AGAP1: variants seen among roughly 807,000 people sequenced by gnomAD.
The protein encoded by AGAP1 is ArfGAP with GTPase domain, ankyrin repeat and PH domain 1.
AGAP1 carries 29 observed loss-of-function variants against 105.3 expected under a neutral mutation model. The observed-to-expected ratio is 0.28, with a 90% CI of 0.21 to 0.38. The LOEUF (loss-of-function observed/expected upper bound fraction) is 0.38. Ranked by LOEUF, AGAP1 falls within the 10% of genes least tolerant of loss-of-function variation. The pLI is 1.00. For missense variants in AGAP1, 998 were observed against 1,165.1 expected (o/e 0.86, Z 2.09); for synonymous variants, 509 against 485.9 (o/e 1.05, Z -0.63).
At chr2:235,846,826 C>T (rs1961552647) in intron 9 of AGAP1, among the ~76,000 whole-genome samples, 1 of 152,118 alleles carries the variant, frequency 6.6e-6, no homozygotes, top group African/African-American at 2.4e-5. Flanking sequence ...CAGGGTCTCA[C>T]TATGTGTCCC....
At position 235,864,510 on chromosome 2, in the gene AGAP1, C is replaced by T. The variant is rs2049067488; in HGVS notation, c.1051-18835C>T. On this transcript the variant is annotated intron_variant, in intron 9 of 17. Coordinates refer to ENST00000304032, the MANE Select transcript of AGAP1 (RefSeq NM_001037131.3). This position sits in a 1 kb window ranked among gnomAD's most constrained non-coding sequence, Gnocchi z 5.0. Reference sequence around the variant, plus strand: ...GCCGGAAGGTGGTTGAGCGTTTCCGCTCCACTGCGCGGCCCCGGAGCCCCC... The same window carrying T: ...GCCGGAAGGTGGTTGAGCGTTTCCGTTCCACTGCGCGGCCCCGGAGCCCCC... Among the ~76,000 whole-genome samples the T allele has an allele frequency of 6.6e-6, 1 of 152,188 alleles. No individual in the cohort carries two copies.
chr2:235,564,515 C>T (rs1944276040), intron 1 of AGAP1, among the ~76,000 whole-genome samples: 1 of 152,214 alleles, frequency 6.6e-6, no homozygotes, highest in Non-Finnish European at 1.5e-5. Context: ...AAGGTTCTTC[C>T]ACTTTTCATC....
rs2059018660 is a variant in AGAP1 at position 236,090,014 on chromosome 2, A to G, written c.2115-30178A>G. ...CTGTACAGCAGCTCCCTGGCTGCAA[A>G]TGAATCCATCGGATACAGAAGTTTT... On this transcript the variant is annotated intron_variant, in intron 16 of 17. Transcript: ENST00000304032. The surrounding 1 kb of genome is among the most constrained non-coding windows in gnomAD (Gnocchi z 4.3). 6.6e-6 allele frequency among the ~76,000 whole-genome samples: 1 copy of G among 152,050 alleles called. No homozygotes were observed. The highest frequency in any genetic ancestry group is 1.5e-5 in the Non-Finnish European group (1 of 68,028).
chr2:235,630,884 C>T (rs570976547), intron 1 of AGAP1, among the ~76,000 whole-genome samples: 25 of 152,316 alleles, frequency 1.6e-4, no homozygotes, highest in Admixed American at 1.2e-3. Flanking sequence ...TGGCCCAGCC[C>T]GTTGCGGGTC....
intron 16 of AGAP1, among the ~76,000 whole-genome samples, chr2:236,115,990 A>C (rs2059761545): frequency 6.6e-6 from 1 of 152,042 alleles, no homozygotes; most frequent in South Asian, 2.1e-4. Flanking sequence ...TTTTTAGTAG[A>C]GACGGGTTTT....
chr2:235,726,543 A>G lies in AGAP1; in HGVS notation c.310+8899A>G, dbSNP rs553747000. On this transcript the variant is annotated intron_variant, in intron 3 of 17. Transcript: ENST00000304032. ...TAACAGAGCCATTGAATCTATCCCA[A>G]TGGAACCACCATCACACACTTTCAC... Among the ~76,000 whole-genome samples the G allele has an allele frequency of 1.4e-4, 22 of 152,324 alleles. 1 individual carries two copies. The South Asian group carries it at 1.7e-3, about 11-fold the overall frequency.
At chr2:235,860,492 T>C (rs945393243) in intron 9 of AGAP1, among the ~76,000 whole-genome samples, 1 of 152,230 alleles carries the variant, frequency 6.6e-6, no homozygotes, top group Non-Finnish European at 1.5e-5. Flanking sequence ...ATTTTATTAA[T>C]GGTATCTAGG....
At chr2:236,007,737 T>A (rs2056370433) in intron 13 of AGAP1, among the ~76,000 whole-genome samples, 1 of 152,232 alleles carries the variant, frequency 6.6e-6, no homozygotes, top group Admixed American at 6.5e-5. Context: ...TGTTTCCCAT[T>A]ATCACTCATT....
At chr2:235,543,653 G>A (rs1365249287) in intron 1 of AGAP1, among the ~76,000 whole-genome samples, 1 of 152,192 alleles carries the variant, frequency 6.6e-6, no homozygotes, top group Non-Finnish European at 1.5e-5. Flanking sequence ...GTGAGGGCAG[G>A]TGGGGGGTTG....
intron 6 of AGAP1, among the ~76,000 whole-genome samples, chr2:235,762,253 A>G (rs1954509000): frequency 6.6e-6 from 1 of 152,178 alleles, no homozygotes; most frequent in African/African-American, 2.4e-5. Context: ...AAAGATGAGG[A>G]ATAGTAATCC....
Position 236,035,673 on chromosome 2 carries a change from G to A in AGAP1, c.1646-888G>A, listed in dbSNP as rs2057358927. On this transcript the variant is annotated intron_variant, in intron 13 of 17. Transcript: ENST00000304032. The surrounding 1 kb of genome is among the most constrained non-coding windows in gnomAD (Gnocchi z 4.2). ...GCAATTAGTTATGCTTTTTGCCAGT[G>A]GTGCCTCCTCCTTTGGCGGGGACTT... Among the ~76,000 whole-genome samples the A allele has an allele frequency of 1.3e-5, 2 of 152,144 alleles. No individual in the cohort carries two copies. The highest frequency in any genetic ancestry group is 6.5e-5 in the Admixed American group (1 of 15,282).
At position 235,754,383 on chromosome 2, in the gene AGAP1, A is replaced by T. The variant is rs1445567364; in HGVS notation, c.673+3895A>T. ...CCTGTATATGGTAGAAAGAAAACAT[A>T]AAGGAAAAGCGTGTAATTTCTACAT... On this transcript the variant is annotated intron_variant, in intron 6 of 17. Coordinates refer to ENST00000304032, the MANE Select transcript of AGAP1 (RefSeq NM_001037131.3). This position sits in a 1 kb window ranked among gnomAD's most constrained non-coding sequence, Gnocchi z 4.6. 6.6e-6 allele frequency among the ~76,000 whole-genome samples: 1 copy of T among 152,082 alleles called. No homozygotes were observed. The highest frequency in any genetic ancestry group is 1.5e-5 in the Non-Finnish European group (1 of 68,034).
chr2:236,025,908 GTGGATGGA>G (rs1553548831), intron 13 of AGAP1, among the ~76,000 whole-genome samples: 15 of 100,314 alleles, frequency 1.5e-4, no homozygotes, highest in African/African-American at 1.6e-4. Context: ...TCTCGGGTGG[GTGGATGGA>G]TGGATGGATG....
Position 236,036,723 on chromosome 2 carries a change from C to T in AGAP1, c.1800+8C>T. On this transcript the variant is annotated splice_region_variant and intron_variant, in intron 14 of 17. Transcript: ENST00000304032. This position sits in a 1 kb window ranked among gnomAD's most constrained non-coding sequence, Gnocchi z 5.7. Reference sequence around the variant, plus strand: ...GAGAGCAGCAAGAACAAGGTGAGGCCCCTGGCTGCCCAAAACCAAGGCTGG... The same window carrying T: ...GAGAGCAGCAAGAACAAGGTGAGGCTCCTGGCTGCCCAAAACCAAGGCTGG... 1 of 1,613,998 alleles carries T rather than the reference C, an allele frequency of 6.2e-7. No homozygotes were observed. Among genetic ancestry groups the T allele is most frequent in the Non-Finnish European group, 8.5e-7 (1 of 1,179,982 alleles).
At chr2:235,859,405 C>CCCCCCCCCCCCCCCCCCCG (rs1553652486) in intron 9 of AGAP1, among the ~76,000 whole-genome samples, 1 of 75,050 alleles carries the variant, frequency 1.3e-5, no homozygotes, top group African/African-American at 4.1e-5. Flanking sequence ...CCCCCCCCCC[C>CCCCCCCCCCCCCCCCCCCG]CCGCCTTTTG....
At chr2:235,507,868 G>A (rs1352041827) in intron 1 of AGAP1, among the ~76,000 whole-genome samples, 2 of 152,116 alleles carry the variant, frequency 1.3e-5, no homozygotes, top group Non-Finnish European at 2.9e-5. Context: ...GGTAAGTTGG[G>A]TGTCATGGTG....
intron 1 of AGAP1, among the ~76,000 whole-genome samples, chr2:235,643,063 C>T (rs929466339): frequency 6.6e-6 from 1 of 152,138 alleles, no homozygotes; most frequent in African/African-American, 2.4e-5. Flanking sequence ...CAGCTCCTTC[C>T]CCCTTTTTTC....
chr2:236,091,191 T>C (rs1329464267), intron 16 of AGAP1, among the ~76,000 whole-genome samples: 1 of 152,198 alleles, frequency 6.6e-6, no homozygotes, highest in Non-Finnish European at 1.5e-5. Context: ...ATTTGAGTCA[T>C]CTATGCCTGT....
rs571894361 is a variant in AGAP1, at chr2:235,713,147, T to C, written c.222+3910T>C. ...TGCAGAGAAGGCACAGACCAAAGGATGTTTGGTTTTGGAGCATTTTCTTCC... is the reference window on the plus strand; with the variant it reads ...TGCAGAGAAGGCACAGACCAAAGGACGTTTGGTTTTGGAGCATTTTCTTCC... On this transcript the variant is annotated intron_variant, in intron 2 of 17. Coordinates refer to ENST00000304032, the MANE Select transcript of AGAP1 (RefSeq NM_001037131.3). Among the ~76,000 whole-genome samples, 182 of 152,230 alleles carry C rather than the reference T, an allele frequency of 1.2e-3. 2 individuals are homozygous for C. The highest frequency in any genetic ancestry group is 2.2e-3 in the Non-Finnish European group (148 of 68,012).
Sources: allele counts gnomAD v4.1 joint callset (sites outside exome capture counted in the v4.1 genomes callset), GRCh38; gene constraint gnomAD v4.1.1; non-coding constraint Gnocchi (gnomAD v3.1); transcripts MANE v1.5; gene names NCBI Gene and HGNC (gene_info 2026-07-23, HGNC 2026-07-21).